ERGIC1: variants seen among roughly 807,000 people sequenced by gnomAD.
ERGIC1 encodes the protein endoplasmic reticulum-Golgi intermediate compartment protein 1.
ERGIC1 carries 19 observed loss-of-function variants against 38.3 expected under a neutral mutation model. That is an observed-to-expected ratio of 0.50 (90% CI 0.35 to 0.73). The LOEUF (loss-of-function observed/expected upper bound fraction) is 0.73. Ranked by LOEUF, ERGIC1 falls within the 30% of genes least tolerant of loss-of-function variation. ERGIC1 has a pLI of 0.01. For missense variants in ERGIC1, 294 were observed against 389.2 expected (o/e 0.76, Z 2.06); for synonymous variants, 124 against 157.6 (o/e 0.79, Z 1.60).
intron 3 of ERGIC1, chr5:172,905,504 G>T: frequency 2.2e-6 from 1 of 457,450 alleles, no homozygotes. Context: ...TGGAAGCCGT[G>T]GGTCACGGAA....
At chr5:172,944,611 G>A (rs534798284) in intron 9 of ERGIC1, among the ~76,000 whole-genome samples, 1 of 152,272 alleles carries the variant, frequency 6.6e-6, no homozygotes, top group East Asian at 1.9e-4. Context: ...CACCCACCTC[G>A]GCCTCCCAAA....
chr5:172,901,226 C>T (rs1762867560), intron 3 of ERGIC1, among the ~76,000 whole-genome samples: 1 of 152,222 alleles, frequency 6.6e-6, no homozygotes, highest in South Asian at 2.1e-4. Context: ...GACGCTTATT[C>T]TGGCCTGGGC....
intron 3 of ERGIC1, among the ~76,000 whole-genome samples, chr5:172,907,286 G>A (rs942938549): frequency 7.9e-5 from 12 of 152,200 alleles, no homozygotes; most frequent in Non-Finnish European, 1.5e-4. Flanking sequence ...GGCCAGGCAC[G>A]GTGGCTCATG....
At chr5:172,946,141 A>G (rs1490141292) in intron 9 of ERGIC1, among the ~76,000 whole-genome samples, 1 of 151,968 alleles carries the variant, frequency 6.6e-6, no homozygotes, top group Non-Finnish European at 1.5e-5. Context: ...ACCTCATGCC[A>G]CCCTCACCAT....
chr5:172,848,480 AC>A (rs1432512276), intron 1 of ERGIC1, among the ~76,000 whole-genome samples: 1 of 152,096 alleles, frequency 6.6e-6, no homozygotes, highest in Non-Finnish European at 1.5e-5. Context: ...GTCATCTGCC[AC>A]CCCTTTTCTG....
At chr5:172,932,588 CGGAG>C in intron 8 of ERGIC1, 52 bp downstream of exon 8, 1 of 1,562,928 alleles carries the variant, frequency 6.4e-7, no homozygotes, top group Non-Finnish European at 8.8e-7. Context: ...CCTCTGCTGA[CGGAG>C]AGCAGAGATG....
At chr5:172,838,924 G>T (rs978905666) in intron 1 of ERGIC1, among the ~76,000 whole-genome samples, 4 of 152,168 alleles carry the variant, frequency 2.6e-5, no homozygotes, top group Non-Finnish European at 5.9e-5. Flanking sequence ...AAGCTGACAA[G>T]AACATATACT....
intron 1 of ERGIC1, among the ~76,000 whole-genome samples, chr5:172,860,065 G>A (rs1166567235): frequency 6.6e-6 from 1 of 152,206 alleles, no homozygotes; most frequent in Non-Finnish European, 1.5e-5. Context: ...ACCATCCCAT[G>A]CTCCTATATG....
intron 5 of ERGIC1, chr5:172,920,682 C>T (rs769639949): frequency 4.7e-5 from 24 of 513,550 alleles, no homozygotes; most frequent in African/African-American, 2.3e-4. Context: ...TCGCACGGCC[C>T]GGCAGGGGTG....
Position 172,909,709 on chromosome 5 carries a change from T to A in ERGIC1, c.198T>A (p.Gly66=), listed in dbSNP as rs1763159601. 1 of 1,614,068 alleles carries A rather than the reference T, an allele frequency of 6.2e-7. No individual in the cohort carries two copies. Among genetic ancestry groups the A allele is most frequent in the Admixed American group, 1.7e-5 (1 of 60,002 alleles). ...LYVDDPDKDS[G]GKIDVSLNIS... Reference sequence around the variant, plus strand: ...TCGATGACCCAGACAAGGACAGCGGTGGCAAGATCGACGTCAGTCTGAACA... The same window carrying A: ...TCGATGACCCAGACAAGGACAGCGGAGGCAAGATCGACGTCAGTCTGAACA... The change falls in exon 4 of 10, where the codon GGT becomes GGA. Residue 66 remains glycine (G), a synonymous_variant. Coordinates refer to ENST00000393784, the MANE Select transcript of ERGIC1 (RefSeq NM_001031711.3).
chr5:172,882,107 G>A (rs1410486341), intron 1 of ERGIC1, among the ~76,000 whole-genome samples: 3 of 152,284 alleles, frequency 2.0e-5, no homozygotes, highest in Admixed American at 6.5e-5. Flanking sequence ...TGAAACTAGG[G>A]TCTTTTTGAG....
At chr5:172,856,644 A>G (rs1315021247) in intron 1 of ERGIC1, among the ~76,000 whole-genome samples, 1 of 152,104 alleles carries the variant, frequency 6.6e-6, no homozygotes, top group Non-Finnish European at 1.5e-5. Context: ...AAATAAGATC[A>G]AGTGAATGTA....
At chr5:172,852,891 G>T (rs1761447834) in intron 1 of ERGIC1, among the ~76,000 whole-genome samples, 1 of 152,262 alleles carries the variant, frequency 6.6e-6, no homozygotes, top group Admixed American at 6.5e-5. Context: ...CTTGACGCAG[G>T]TTCCCACAAA....
Position 172,834,584 on chromosome 5 carries a change from C to G in ERGIC1, c.20+151C>G, listed in dbSNP as rs1477833587. On this transcript the variant is annotated intron_variant, in intron 1 of 9. Coordinates refer to ENST00000393784, the MANE Select transcript of ERGIC1 (RefSeq NM_001031711.3). The surrounding 1 kb of genome is among the most constrained non-coding windows in gnomAD (Gnocchi z 4.1). ...GCCCCTAGGGACCCCAGGCGAGCCC[C>G]CCCCCTGCCGCACACGAAGCCAGCC... The G allele has an allele frequency of 1.4e-6, 1 of 714,698 alleles. No individual in the cohort carries two copies. The highest frequency in any genetic ancestry group is 6.9e-5 in the South Asian group (1 of 14,556). 44.3% of individuals were successfully genotyped at this position (714,698 alleles called of 1,614,324 possible). A position where few individuals can be genotyped will look rare whatever the true frequency, so the allele number is the denominator to read the frequency against.
intron 1 of ERGIC1, among the ~76,000 whole-genome samples, chr5:172,843,343 G>A (rs1362539453): frequency 6.6e-6 from 1 of 152,186 alleles, no homozygotes; most frequent in Non-Finnish European, 1.5e-5. Flanking sequence ...GCTGGAATGG[G>A]AGTGGCCCAG....
chr5:172,887,306 G>A (rs377251197), intron 1 of ERGIC1, among the ~76,000 whole-genome samples: 44 of 152,312 alleles, frequency 2.9e-4, no homozygotes, highest in African/African-American at 1.0e-3. Flanking sequence ...GACTAAGGAG[G>A]GTTCTGTCGA....
chr5:172,864,363 C>T (rs973404101), intron 1 of ERGIC1, among the ~76,000 whole-genome samples: 1 of 147,574 alleles, frequency 6.8e-6, no homozygotes, highest in Non-Finnish European at 1.5e-5. Context: ...CACCTGCCTC[C>T]AGGGTTCAAA....
intron 8 of ERGIC1, 89 bp from the exon 9 acceptor site, chr5:172,935,078 AGAGGGAGGAAAGCCCTTTCTG>A: frequency 6.6e-7 from 1 of 1,516,176 alleles, no homozygotes; most frequent in African/African-American, 1.4e-5. Flanking sequence ...CGTGGGGCAG[AGAGGGAGGAAAGCCCTTTCTG>A]GAGGGTTGCT....
chr5:172,834,520 A>T lies in ERGIC1; in HGVS notation c.20+87A>T, dbSNP rs143980771. The T allele has an allele frequency of 0.014, 16,642 of 1,210,000 alleles. 137 individuals carry two copies. Among genetic ancestry groups the T allele is most frequent in the Middle Eastern group, 0.026 (106 of 4,148 alleles). The allele number at this position is 1,210,000 out of a possible 1,614,324, so 75.0% of individuals were successfully genotyped here. A position where few individuals can be genotyped will look rare whatever the true frequency, so the allele number is the denominator to read the frequency against. On this transcript the variant is annotated intron_variant, in intron 1 of 9. Coordinates refer to ENST00000393784, the MANE Select transcript of ERGIC1 (RefSeq NM_001031711.3). The surrounding 1 kb of genome is among the most constrained non-coding windows in gnomAD (Gnocchi z 4.1). Reference sequence around the variant, plus strand: ...ACGCCGCGGACCCCTCCCGCCCTGCATGCAAAAGCGGCTCCCCGCCCTGTG... The same window carrying T: ...ACGCCGCGGACCCCTCCCGCCCTGCTTGCAAAAGCGGCTCCCCGCCCTGTG...
Sources: allele counts gnomAD v4.1 joint callset (sites outside exome capture counted in the v4.1 genomes callset), GRCh38; gene constraint gnomAD v4.1.1; non-coding constraint Gnocchi (gnomAD v3.1); transcripts MANE v1.5; gene names NCBI Gene and HGNC (gene_info 2026-07-23, HGNC 2026-07-21).